The following SLC22A6 variants were observed in gnomAD, a reference collection of about 807,000 sequenced individuals.
SLC22A6 encodes the protein PAH transporter.
In SLC22A6, 45 loss-of-function variants were observed where a neutral mutation model predicts 56.7. The observed-to-expected ratio is 0.79, with a 90% CI of 0.63 to 1.02. SLC22A6 has a LOEUF of 1.02. Ranked by LOEUF, SLC22A6 falls within the 50% of genes least tolerant of loss-of-function variation. SLC22A6 has a pLI of 0.00. For synonymous variants in SLC22A6, 291 were observed against 295.9 expected, an observed-to-expected ratio of 0.98 and a Z score of 0.17; for missense variants, 606 against 713.8, an observed-to-expected ratio of 0.85 and a Z score of 1.72.
chr11:62,977,103 C>T, intron 9 of SLC22A6, 81 bp downstream of exon 9: 1 of 1,608,530 alleles, frequency 6.2e-7, no homozygotes, highest in Non-Finnish European at 8.5e-7. Flanking sequence ...AAGAGGAAGC[C>T]TGGGCTTGAG....
In SLC22A6 at chr11:62,983,656, A is replaced by C. The variant is rs2086281672; in HGVS notation, c.509T>G (p.Leu170Arg). Residue 170 changes from leucine to arginine, a missense_variant, in exon 3 of 10, where the codon CTG (leucine) becomes CGG (arginine). Coordinates refer to ENST00000360421, the MANE Select transcript of SLC22A6 (RefSeq NM_153276.3). The surrounding 1 kb of genome is among the most constrained non-coding windows in gnomAD (Gnocchi z 4.5). ...GCAGGTCCCTGACACAGCTGTCTGC[A>C]GGTAGTTCAAGATGAGTACCTTCCG... is the stretch of plus-strand genomic sequence containing the variant. ...GRRKVLILNY[L>R]QTAVSGTCAA... 1 of 1,612,766 alleles carries C rather than the reference A, an allele frequency of 6.2e-7. No homozygotes were observed. The highest frequency in any genetic ancestry group is 1.3e-5 in the African/African-American group (1 of 74,998).
rs749250382 is a variant in SLC22A6 at position 62,983,546 on chromosome 11, T to C, written c.619A>G (p.Met207Val). The C allele has an allele frequency of 1.3e-6, 2 of 1,560,714 alleles. No homozygotes were observed. The highest frequency in any genetic ancestry group is 2.7e-5 in the African/African-American group (2 of 73,556). ...GGTAAGAATCTCTCACTCAGTGTCA[T>C]GCAGTTGAGGGAGATGCCAGCCAGA... Reference protein sequence around the residue: ...MALAGISLNCMTLNVEWMPIH... With the variant: ...MALAGISLNCVTLNVEWMPIH... The change falls in exon 3 of 10, where the codon ATG (methionine) becomes GTG (valine). Residue 207 changes from methionine to valine, a missense_variant. Met to Val is a conservative substitution (Grantham distance 21). Transcript: ENST00000360421. This position sits in a 1 kb window ranked among gnomAD's most constrained non-coding sequence, Gnocchi z 4.5.
Position 62,976,843 on chromosome 11 carries a change from T to C in SLC22A6, c.1604A>G (p.Lys535Arg). The change falls in exon 10 of 10, where the codon AAG (lysine) becomes AGG (arginine). Residue 535 changes from lysine (K) to arginine (R), a missense_variant. Physicochemically the swap from Lys to Arg is conservative, Grantham distance 26 (BLOSUM62 2). Coordinates refer to ENST00000360421, the MANE Select transcript of SLC22A6 (RefSeq NM_153276.3). ...TGAGGCCTGCAGTGGGACCATATACTTCTGGTGCTCTTGTTGCTGTCGCGT... is the reference window on the plus strand; with the variant it reads ...TGAGGCCTGCAGTGGGACCATATACCTCTGGTGCTCTTGTTGCTGTCGCGT... ...KQTRQQQEHQ[K>R]YMVPLQASAQ... 1 of 1,614,108 alleles carries C rather than the reference T, an allele frequency of 6.2e-7. No individual in the cohort carries two copies. The highest frequency in any genetic ancestry group is 1.1e-5 in the South Asian group (1 of 91,046).
rs576322104 is a variant in SLC22A6 at position 62,983,754 on chromosome 11, G to A, written c.474-63C>T. ...GACTGATGGGGGTCAGGCTGAGCCA[G>A]GAGAGGAGGGCTCACCCTGGATGAT... On this transcript the variant is annotated intron_variant, in intron 2 of 9. Transcript: ENST00000360421. This position sits in a 1 kb window ranked among gnomAD's most constrained non-coding sequence, Gnocchi z 4.5. 1.5e-5 allele frequency: 22 copies of A among 1,500,710 alleles called. 1 individual carries two copies. The South Asian group carries it at 2.7e-4, about 18-fold the overall frequency. 93.0% of individuals were successfully genotyped at this position (1,500,710 alleles called of 1,614,324 possible).
chr11:62,981,246 T>G lies in SLC22A6; in HGVS notation c.921+14A>C, dbSNP rs768114265. 6.2e-7 allele frequency: 1 copy of G among 1,609,754 alleles called. No individual in the cohort carries two copies. The highest frequency in any genetic ancestry group is 2.2e-5 in the East Asian group (1 of 44,758). ...CCCTGGGAGGTTATCATGGGAAGTC[T>G]CAGGGGATCTCACCTCCATACTCAA... is the stretch of plus-strand genomic sequence containing the variant. On this transcript the variant is annotated intron_variant, in intron 5 of 9. Coordinates refer to ENST00000360421, the MANE Select transcript of SLC22A6 (RefSeq NM_153276.3).
intron 6 of SLC22A6, 53 bp downstream of exon 6, chr11:62,980,929 TCTC>T (rs1238612372): frequency 1.3e-5 from 19 of 1,455,756 alleles, no homozygotes; most frequent in African/African-American, 2.8e-5. Flanking sequence ...ACCCATTGTG[TCTC>T]CTCCTGCCCC....
At chr11:62,982,743 G>C (rs2086269567) in intron 3 of SLC22A6, among the ~76,000 whole-genome samples, 2 of 152,162 alleles carry the variant, frequency 1.3e-5, no homozygotes, top group African/African-American at 4.8e-5. Flanking sequence ...GCTCATCAAT[G>C]GCCCATGGAG....
At chr11:62,977,029 C>G (rs143041027) in intron 9 of SLC22A6, 148 bp from the exon 10 acceptor site, 13 of 1,536,410 alleles carry the variant, frequency 8.5e-6, no homozygotes, top group Admixed American at 1.7e-5. Flanking sequence ...GCTGGGATCC[C>G]CAGGAAGGAT....
chr11:62,978,053 A>G (rs778692657), intron 8 of SLC22A6, among the ~76,000 whole-genome samples: 2 of 152,224 alleles, frequency 1.3e-5, no homozygotes, highest in African/African-American at 2.4e-5. Context: ...TCACGTTTGT[A>G]AATGGGAATA....
Position 62,984,317 on chromosome 11 carries a change from C to A in SLC22A6, c.369+5G>T. The A allele has an allele frequency of 1.2e-6, 2 of 1,612,936 alleles. No homozygotes were observed. The highest frequency in any genetic ancestry group is 8.5e-7 in the Non-Finnish European group (1 of 1,179,938). On this transcript the variant is annotated splice_donor_5th_base_variant and intron_variant, in intron 1 of 9. Transcript: ENST00000360421. The stretch of plus-strand genomic sequence containing the variant: ...GCCCCTGGATGGGGAGCCCCAGGTG[C>A]TCACCTCAGTCACGATGGTAGATGG...
Position 62,981,603 on chromosome 11 carries a change from G to A in SLC22A6, c.798-220C>T, listed in dbSNP as rs1481250871. Among the ~76,000 whole-genome samples, 3 of 152,328 alleles carry A rather than the reference G, an allele frequency of 2.0e-5. No individual in the cohort carries two copies. In the East Asian group the frequency reaches 5.8e-4, roughly 29 times the overall value. ...AAGCTCAGCTCTTGGTTGCGGGTAGGGGGAGCAGAGCAGGCAGGCTGGAGA... is the reference window on the plus strand; with the variant it reads ...AAGCTCAGCTCTTGGTTGCGGGTAGAGGGAGCAGAGCAGGCAGGCTGGAGA... On this transcript the variant is annotated intron_variant, in intron 4 of 9. Coordinates refer to ENST00000360421, the MANE Select transcript of SLC22A6 (RefSeq NM_153276.3).
chr11:62,979,610 A>AGG lies in SLC22A6; in HGVS notation c.1253-16_1253-15dup. 1.2e-6 allele frequency: 2 copies of AGG among 1,608,448 alleles called. No individual in the cohort carries two copies. The highest frequency in any genetic ancestry group is 1.7e-6 in the Non-Finnish European group (2 of 1,174,854). On this transcript the variant is annotated splice_polypyrimidine_tract_variant and intron_variant, in intron 7 of 9. Coordinates refer to ENST00000360421, the MANE Select transcript of SLC22A6 (RefSeq NM_153276.3). ...CAATGGACTGGTCTAGAGAGAAAGA[A>AGG]GGGGGGATAGCAGGAGCTTGGGAGT... is the stretch of plus-strand genomic sequence containing the variant.
intron 8 of SLC22A6, 117 bp from the exon 9 acceptor site, chr11:62,977,504 C>T: frequency 8.5e-7 from 1 of 1,172,382 alleles, no homozygotes; most frequent in African/African-American, 1.6e-5. Flanking sequence ...CCGGTACCTC[C>T]TCTCTTCCCC....
intron 6 of SLC22A6, 91 bp downstream of exon 6, chr11:62,980,894 C>T: frequency 7.4e-6 from 8 of 1,086,128 alleles, no homozygotes; most frequent in South Asian, 3.2e-5. Flanking sequence ...TGCTGACCTT[C>T]CTGCCCTCTT....
chr11:62,984,347 G>T lies in SLC22A6; in HGVS notation c.344C>A (p.Thr115Asn), dbSNP rs886137600. ...CTCAGTCACGATGGTAGATGGGAAG[G>T]TGCTGTTGTCATAGATCCAGCCATC... Reference protein sequence around the residue: ...CTDGWIYDNSTFPSTIVTEWD... With the variant: ...CTDGWIYDNSNFPSTIVTEWD... Residue 115 changes from threonine (T) to asparagine (N), a missense_variant, in exon 1 of 10, where the codon ACC (threonine) becomes AAC (asparagine). Coordinates refer to ENST00000360421, the MANE Select transcript of SLC22A6 (RefSeq NM_153276.3). 2 of 1,613,646 alleles carry T rather than the reference G, an allele frequency of 1.2e-6. No individual in the cohort carries two copies. The highest frequency in any genetic ancestry group is 2.7e-5 in the African/African-American group (2 of 74,838).
At chr11:62,982,711 G>A (rs1218737839) in intron 3 of SLC22A6, among the ~76,000 whole-genome samples, 2 of 152,180 alleles carry the variant, frequency 1.3e-5, no homozygotes, top group African/African-American at 2.4e-5. Flanking sequence ...TGGGGTAAGC[G>A]GGGGTTGATC....
At chr11:62,981,153 C>T in intron 5 of SLC22A6, 53 bp from the exon 6 acceptor site, 4 of 1,604,258 alleles carry the variant, frequency 2.5e-6, no homozygotes, top group Non-Finnish European at 8.5e-7. Context: ...GAGCTCCTCC[C>T]AGCCTAATCC....
intron 1 of SLC22A6, 58 bp from the exon 2 acceptor site, chr11:62,984,105 TC>T: frequency 7.6e-7 from 1 of 1,318,948 alleles, no homozygotes; most frequent in Non-Finnish European, 1.1e-6. Flanking sequence ...AGAATCCCCT[TC>T]CCCCACTTCA....
rs1430950335 is a variant in SLC22A6 at position 62,981,384 on chromosome 11, C to T, written c.798-1G>A. 1.7e-5 allele frequency: 9 copies of T among 544,704 alleles called. No homozygotes were observed. Among genetic ancestry groups the T allele is most frequent in the Non-Finnish European group, 2.6e-5 (9 of 352,866 alleles). The allele number at this position is 544,704 out of a possible 1,614,324, so 33.7% of individuals were successfully genotyped here. A position where few individuals can be genotyped will look rare whatever the true frequency, so the allele number is the denominator to read the frequency against. On this transcript the variant is annotated splice_acceptor_variant, in intron 4 of 9. Coordinates refer to ENST00000360421, the MANE Select transcript of SLC22A6 (RefSeq NM_153276.3). LOFTEE classifies it high-confidence loss of function. ...CCAGCGGGCCGACTCAATGAAGAAC[C>T]TGGGAGCGGGGGTGGGGGTGGGTGT...
Sources: gnomAD v4.1 joint callset for allele counts (sites outside exome capture counted in the v4.1 genomes callset) on GRCh38, gnomAD v4.1.1 for gene constraint, Gnocchi (gnomAD v3.1) non-coding constraint, MANE v1.5 for transcripts, NCBI Gene and HGNC (gene_info 2026-07-23, HGNC 2026-07-21) for gene names.